Variants in PRDM1 observed in about 807,000 individuals in gnomAD.
PRDM1 encodes PR domain zinc finger protein 1.
In PRDM1, 13 loss-of-function variants were observed where a neutral mutation model predicts 62.8. That is an observed-to-expected ratio of 0.21 (90% confidence interval 0.13 to 0.33). The LOEUF (loss-of-function observed/expected upper bound fraction) is 0.33. PRDM1 is among the 10% of genes least tolerant of loss of function. The pLI is 1.00. For missense variants in PRDM1, 895 were observed against 1,058.8 expected (o/e 0.85, Z 2.15); for synonymous variants, 396 against 417.6 (o/e 0.95, Z 0.63).
At chr6:106,016,191 G>A (rs1772617697) in intron 1 of PRDM1, among the ~76,000 whole-genome samples, 1 of 152,096 alleles carries the variant, frequency 6.6e-6, no homozygotes, top group Non-Finnish European at 1.5e-5. Flanking sequence ...ATCCCATTGT[G>A]TGTATGGATT....
At chr6:106,016,694 G>T (rs1772625599) in intron 1 of PRDM1, among the ~76,000 whole-genome samples, 1 of 148,774 alleles carries the variant, frequency 6.7e-6, no homozygotes, top group African/African-American at 2.5e-5. Context: ...TGTCACCCAG[G>T]CTGGAGTGCA....
chr6:106,046,153 T>G (rs558936278), upstream of PRDM1: 3 of 152,082 alleles, frequency 2.0e-5, no homozygotes, highest in Non-Finnish European at 4.4e-5. Flanking sequence ...CTTGGTAGGA[T>G]GCTAATCAGG....
intron 1 of PRDM1, among the ~76,000 whole-genome samples, chr6:106,052,990 A>G (rs952654452): frequency 1.3e-5 from 2 of 152,090 alleles, no homozygotes; most frequent in African/African-American, 2.4e-5. Context: ...TATGGTCACT[A>G]TTTAGAGGAA....
At chr6:106,039,067 T>C (rs1489557818) in intron 1 of PRDM1, among the ~76,000 whole-genome samples, 3 of 151,916 alleles carry the variant, frequency 2.0e-5, no homozygotes, top group African/African-American at 4.8e-5. Context: ...TGAGACAATA[T>C]ATGAGTATGT....
intron 1 of PRDM1, among the ~76,000 whole-genome samples, chr6:106,028,755 C>T (rs1031139851): frequency 6.6e-6 from 1 of 152,044 alleles, no homozygotes; most frequent in Non-Finnish European, 1.5e-5. Context: ...ACCCCCACCC[C>T]CGAAGTTTTC....
intron 1 of PRDM1, among the ~76,000 whole-genome samples, chr6:106,054,008 C>T (rs1014473159): frequency 3.3e-5 from 5 of 151,918 alleles, no homozygotes; most frequent in African/African-American, 1.2e-4. Context: ...CCTTGCAGAG[C>T]AGGATCATTG....
chr6:106,099,311 A>G lies in PRDM1; in HGVS notation c.423A>G (p.Arg141=). 1 of 1,614,098 alleles carries G rather than the reference A, an allele frequency of 6.2e-7. No homozygotes were observed. Among genetic ancestry groups the G allele is most frequent in the Non-Finnish European group, 8.5e-7 (1 of 1,180,010 alleles). Residue 141 remains arginine, a synonymous_variant, in exon 4 of 7, where the codon AGA becomes AGG. Coordinates refer to ENST00000369096, the MANE Select transcript of PRDM1 (RefSeq NM_001198.4). Reference sequence around the variant, plus strand: ...TCTCTTTTGGACAGATCTATTCCAGAGGGGAGCTTCACCACTTCATTGACG... The same window carrying G: ...TCTCTTTTGGACAGATCTATTCCAGGGGGGAGCTTCACCACTTCATTGACG... ...NRKYFWRIYS[R]GELHHFIDGF... is the part of the protein sequence containing the mutation.
chr6:105,998,303 G>C (rs969030138), intron 1 of PRDM1, among the ~76,000 whole-genome samples: 2 of 152,114 alleles, frequency 1.3e-5, no homozygotes, highest in African/African-American at 4.8e-5. Context: ...TGTAGTCCCA[G>C]CTACTTGGGA....
At chr6:106,038,119 G>T (rs1275362204) in intron 1 of PRDM1, among the ~76,000 whole-genome samples, 1 of 142,422 alleles carries the variant, frequency 7.0e-6, no homozygotes, top group Non-Finnish European at 1.5e-5. Flanking sequence ...CGGGTAGCTG[G>T]GATTACAGGC....
At chr6:106,000,356 G>A (rs1192655735) in intron 1 of PRDM1, among the ~76,000 whole-genome samples, 2 of 152,320 alleles carry the variant, frequency 1.3e-5, no homozygotes, top group East Asian at 3.9e-4. Context: ...GCTGAGGTAG[G>A]AGGATCGCTT....
At chr6:106,007,898 T>C (rs957176374) in intron 1 of PRDM1, among the ~76,000 whole-genome samples, 9 of 152,250 alleles carry the variant, frequency 5.9e-5, no homozygotes, top group African/African-American at 1.7e-4. Context: ...TATGAGGACA[T>C]GAGCCAGGCC....
At chr6:106,102,821 C>G (rs893380852) in intron 4 of PRDM1, among the ~76,000 whole-genome samples, 1 of 152,098 alleles carries the variant, frequency 6.6e-6, no homozygotes, top group Non-Finnish European at 1.5e-5. Context: ...TTTTGTATTT[C>G]CATTTTATTC....
intron 1 of PRDM1, among the ~76,000 whole-genome samples, chr6:106,004,924 T>C (rs1388428443): frequency 6.6e-6 from 1 of 152,202 alleles, no homozygotes; most frequent in Non-Finnish European, 1.5e-5. Context: ...GGAAAAACTT[T>C]CCAAAATAAA....
At chr6:106,062,203 T>C (rs1344670233) in intron 1 of PRDM1, among the ~76,000 whole-genome samples, 1 of 152,244 alleles carries the variant, frequency 6.6e-6, no homozygotes, top group Non-Finnish European at 1.5e-5. Flanking sequence ...GAACTGCCTA[T>C]AGAATCTTAA....
chr6:106,106,475 G>T lies in PRDM1; in HGVS notation c.1878G>T (p.Thr626=), dbSNP rs1337340998. ...AHLQKHYLVH[T]GEKPHECQVC... ...TGCAGAAACACTACCTGGTACACAC[G>T]GGAGAAAAGCCACATGAATGCCAGG... The change falls in exon 6 of 7, where the codon ACG becomes ACT. Residue 626 remains threonine, a synonymous_variant. Coordinates refer to ENST00000369096, the MANE Select transcript of PRDM1 (RefSeq NM_001198.4). The surrounding 1 kb of genome is among the most constrained non-coding windows in gnomAD (Gnocchi z 4.4). The T allele has an allele frequency of 6.2e-7, 1 of 1,614,114 alleles. No homozygotes were observed. The highest frequency in any genetic ancestry group is 1.3e-5 in the African/African-American group (1 of 75,018).
At chr6:106,080,210 C>T (rs1473874748) in intron 1 of PRDM1, among the ~76,000 whole-genome samples, 2 of 152,228 alleles carry the variant, frequency 1.3e-5, no homozygotes, top group Non-Finnish European at 2.9e-5. Context: ...ACTCCCCACA[C>T]ATAAGCACAT....
chr6:106,089,609 G>A (rs749135963), intron 2 of PRDM1, among the ~76,000 whole-genome samples: 13 of 152,144 alleles, frequency 8.5e-5, no homozygotes, highest in East Asian at 1.9e-4. Context: ...CCACTGCTGC[G>A]TGAATGGAGG....
At chr6:106,050,532 C>A (rs1773156028) in intron 1 of PRDM1, among the ~76,000 whole-genome samples, 1 of 151,966 alleles carries the variant, frequency 6.6e-6, no homozygotes, top group African/African-American at 2.4e-5. Flanking sequence ...ACTTTTTATT[C>A]TTTCACAAAA....
At chr6:106,034,713 C>T (rs1772899950) in intron 1 of PRDM1, among the ~76,000 whole-genome samples, 1 of 142,696 alleles carries the variant, frequency 7.0e-6, no homozygotes, top group Admixed American at 7.5e-5. Flanking sequence ...CTCACTGCAA[C>T]CTCCACCTCC....
Sources: allele counts gnomAD v4.1 joint callset (sites outside exome capture counted in the v4.1 genomes callset), GRCh38; gene constraint gnomAD v4.1.1; non-coding constraint Gnocchi (gnomAD v3.1); transcripts MANE v1.5; gene names NCBI Gene and HGNC (gene_info 2026-07-23, HGNC 2026-07-21).